POLR3E: variants seen among roughly 807,000 people sequenced by gnomAD.
POLR3E encodes RNA polymerase III subunit E.
In POLR3E, 41 loss-of-function variants were observed where a neutral mutation model predicts 96.6. The ratio of observed to expected loss-of-function variants is 0.42; its 90% CI spans 0.33 to 0.55. The LOEUF (loss-of-function observed/expected upper bound fraction) is 0.55, where lower values mean the gene tolerates loss of function less well. Ranked by LOEUF, POLR3E falls within the 20% of genes least tolerant of loss-of-function variation. POLR3E has a pLI of 0.06. For synonymous variants in POLR3E, 396 were observed against 383.6 expected, an observed-to-expected ratio of 1.03 and a Z score of -0.38; for missense variants, 849 against 952.1, an observed-to-expected ratio of 0.89 and a Z score of 1.43.
Position 22,325,618 on chromosome 16 carries a change from C to T in POLR3E, c.1349-143C>T, listed in dbSNP as rs2048565181. On this transcript the variant is annotated intron_variant, in intron 17 of 20. Transcript: ENST00000299853. ...CGGCACGCTGGGACGGTTCTCTCTT[C>T]CACTGATGGGGTGGCTGATTTTCGA... 6 of 979,840 alleles carry T rather than the reference C, an allele frequency of 6.1e-6. No homozygotes were observed. In the South Asian group the frequency reaches 7.2e-5, roughly 12 times the overall value. The allele number at this position is 979,840 out of a possible 1,614,324, so 60.7% of individuals were successfully genotyped here.
In POLR3E at chr16:22,318,649, C is replaced by T. The variant is rs996928684; in HGVS notation, c.866-177C>T. On this transcript the variant is annotated intron_variant, in intron 12 of 20. Coordinates refer to ENST00000299853, the MANE Select transcript of POLR3E (RefSeq NM_018119.4). The surrounding 1 kb of genome is among the most constrained non-coding windows in gnomAD (Gnocchi z 5.0). ...CTCAGATTTCATGAGGTGCCCAGTG[C>T]CTGGCATGTAGTGAGCAGCCTGAGA... Among the ~76,000 whole-genome samples the T allele has an allele frequency of 6.6e-6, 1 of 152,154 alleles. No homozygotes were observed. Among genetic ancestry groups the T allele is most frequent in the African/African-American group, 2.4e-5 (1 of 41,432 alleles).
chr16:22,317,924 C>T (rs2048393260), intron 12 of POLR3E, among the ~76,000 whole-genome samples: 1 of 151,930 alleles, frequency 6.6e-6, no homozygotes, highest in African/African-American at 2.4e-5. Context: ...GTGCCAGAAC[C>T]TTTAGGGTAC....
At chr16:22,314,157 T>C in intron 8 of POLR3E, 29 bp downstream of exon 8, 1 of 1,603,762 alleles carries the variant, frequency 6.2e-7, no homozygotes, top group Non-Finnish European at 8.5e-7. Context: ...AGGAGGAGGG[T>C]GCTGCCTGGG....
chr16:22,309,304 C>T, intron 5 of POLR3E, 124 bp from the exon 6 acceptor site: 1 of 812,150 alleles, frequency 1.2e-6, no homozygotes, highest in Admixed American at 1.7e-5. Context: ...GCGTAGGCTG[C>T]CCTGCGGCCT....
At chr16:22,315,331 T>G in intron 9 of POLR3E, 123 bp downstream of exon 9, 1 of 1,064,892 alleles carries the variant, frequency 9.4e-7, no homozygotes, top group Non-Finnish European at 1.3e-6. Flanking sequence ...AGATAGAGGA[T>G]CGAGTCCTGT....
intron 1 of POLR3E, among the ~76,000 whole-genome samples, chr16:22,299,823 C>G (rs1443077098): frequency 6.6e-6 from 1 of 152,142 alleles, no homozygotes. Flanking sequence ...ACCAATCCTG[C>G]TGCCTCAGCT....
chr16:22,324,441 C>G (rs1172437627), intron 15 of POLR3E, 28 bp downstream of exon 15: 1 of 1,611,020 alleles, frequency 6.2e-7, no homozygotes, highest in African/African-American at 1.3e-5. Flanking sequence ...GGTCTGAGGC[C>G]CAGGCTGCTG....
intron 19 of POLR3E, 94 bp from the exon 20 acceptor site, chr16:22,331,966 C>G: frequency 3.0e-6 from 4 of 1,332,454 alleles, no homozygotes; most frequent in Non-Finnish European, 3.1e-6. Context: ...GAGACTGCAA[C>G]ACAAAGTCAG....
At position 22,333,778 on chromosome 16, in the gene POLR3E, C is replaced by G; in HGVS notation, c.*78C>G. 2 of 947,968 alleles carry G rather than the reference C, an allele frequency of 2.1e-6. No individual in the cohort carries two copies. Among genetic ancestry groups the G allele is most frequent in the Non-Finnish European group, 3.5e-6 (2 of 574,300 alleles). The allele number at this position is 947,968 out of a possible 1,614,324, so 58.7% of individuals were successfully genotyped here. A position where few individuals can be genotyped will look rare whatever the true frequency, so the allele number is the denominator to read the frequency against. On this transcript the variant is annotated 3_prime_UTR_variant, in exon 21 of 21. Coordinates refer to ENST00000299853, the MANE Select transcript of POLR3E (RefSeq NM_018119.4). ...GAACCAGAAGTAGGGCCTCGACTTG[C>G]TTCAGACGACACAGAGCAAGAGGAA...
In POLR3E at chr16:22,316,608, G is replaced by A. The variant is rs771119082; in HGVS notation, c.650G>A (p.Arg217His). 3.1e-6 allele frequency: 5 copies of A among 1,613,494 alleles called. No individual in the cohort carries two copies. Among genetic ancestry groups the A allele is most frequent in the East Asian group, 2.2e-5 (1 of 44,890 alleles). The change falls in exon 10 of 21, where the codon CGC (arginine) becomes CAC (histidine). Residue 217 changes from arginine (R) to histidine (H), a missense_variant. Physicochemically the swap from Arg to His is conservative, Grantham distance 29. Transcript: ENST00000299853. ...HLHYYGLRDS[R>H]SEHERQYLLC... ...CCTGCCCTCCTCCAACAGGACAGTC[G>A]CTCTGAGCATGAGCGTCAGTACCTG... is the stretch of plus-strand genomic sequence containing the variant.
chr16:22,319,874 A>G (rs1158828895), intron 13 of POLR3E, among the ~76,000 whole-genome samples: 2 of 152,032 alleles, frequency 1.3e-5, no homozygotes, highest in Non-Finnish European at 2.9e-5. Flanking sequence ...TAGCTATTTA[A>G]AATTATACAA....
chr16:22,319,951 A>C (rs2048436718), intron 13 of POLR3E, among the ~76,000 whole-genome samples: 1 of 152,136 alleles, frequency 6.6e-6, no homozygotes, highest in African/African-American at 2.4e-5. Context: ...TTTTTATATC[A>C]TTCTTACCAT....
At chr16:22,304,217 A>G (rs2048087921) in intron 2 of POLR3E, among the ~76,000 whole-genome samples, 1 of 152,208 alleles carries the variant, frequency 6.6e-6, no homozygotes, top group East Asian at 1.9e-4. Context: ...AAGTAACTGC[A>G]TCTGCCTTCA....
chr16:22,330,690 G>T (rs780901112), intron 19 of POLR3E, among the ~76,000 whole-genome samples: 24 of 152,158 alleles, frequency 1.6e-4, no homozygotes, highest in Non-Finnish European at 2.6e-4. Context: ...AGAGACAGAG[G>T]AGTTGTCTGC....
In POLR3E at chr16:22,313,563, T is replaced by G. The variant is rs2048291250; in HGVS notation, c.365-57T>G. The G allele has an allele frequency of 8.3e-7, 1 of 1,202,876 alleles. No homozygotes were observed. Among genetic ancestry groups the G allele is most frequent in the African/African-American group, 1.5e-5 (1 of 66,934 alleles). 74.5% of individuals were successfully genotyped at this position (1,202,876 alleles called of 1,614,324 possible). A position where few individuals can be genotyped will look rare whatever the true frequency, so the allele number is the denominator to read the frequency against. ...GCCTTCACGGGACTTGGTGACTCTC[T>G]TGAGCCAAACTGGGTGGGTTTCTAG... On this transcript the variant is annotated intron_variant, in intron 6 of 20. Transcript: ENST00000299853. This position sits in a 1 kb window ranked among gnomAD's most constrained non-coding sequence, Gnocchi z 4.1.
Position 22,297,529 on chromosome 16 carries a change from C to G in POLR3E, c.-47C>G, listed in dbSNP as rs148739718. On this transcript the variant is annotated 5_prime_UTR_variant, in exon 1 of 21. Coordinates refer to ENST00000299853, the MANE Select transcript of POLR3E (RefSeq NM_018119.4). ...GTTGCCGCCGTCCGCGCTCGGCCCC[C>G]GCGGAGAGGTGAGTCCCGTCTTGGC... 292 of 152,578 alleles carry G rather than the reference C, an allele frequency of 1.9e-3. 1 individual carries two copies. The highest frequency in any genetic ancestry group is 0.017 in the Middle Eastern group (5 of 294). 9.5% of individuals were successfully genotyped at this position (152,578 alleles called of 1,614,324 possible). A position where few individuals can be genotyped will look rare whatever the true frequency, so the allele number is the denominator to read the frequency against.
chr16:22,302,732 T>G, intron 1 of POLR3E, 199 bp from the exon 2 acceptor site: 1 of 571,860 alleles, frequency 1.7e-6, no homozygotes, highest in Non-Finnish European at 3.1e-6. Context: ...GCTGCTTGAG[T>G]GTTTCTTTTT....
chr16:22,309,663 C>G, intron 6 of POLR3E, 153 bp downstream of exon 6: 1 of 689,002 alleles, frequency 1.5e-6, no homozygotes, highest in Non-Finnish European at 2.6e-6. Flanking sequence ...AGAAATGACA[C>G]ATTGTCAGGG....
In POLR3E at chr16:22,318,589, C is replaced by T. The variant is rs1355878498; in HGVS notation, c.866-237C>T. Among the ~76,000 whole-genome samples the T allele has an allele frequency of 2.0e-5, 3 of 152,206 alleles. No individual in the cohort carries two copies. In the East Asian group the frequency reaches 5.8e-4, roughly 29 times the overall value. On this transcript the variant is annotated intron_variant, in intron 12 of 20. Transcript: ENST00000299853. The surrounding 1 kb of genome is among the most constrained non-coding windows in gnomAD (Gnocchi z 5.0). ...AATAGACCCTTCCTCCTGAGGCACC[C>T]CTCAAGTCTTCCTTAAGGGGCACTT...
Sources: gnomAD v4.1 joint callset for allele counts (sites outside exome capture counted in the v4.1 genomes callset) on GRCh38, gnomAD v4.1.1 for gene constraint, Gnocchi (gnomAD v3.1) non-coding constraint, MANE v1.5 for transcripts, NCBI Gene and HGNC (gene_info 2026-07-23, HGNC 2026-07-21) for gene names.